Variants in IPO11 observed in about 807,000 individuals in gnomAD.
The protein encoded by IPO11 is importin-11.
In IPO11, 66 loss-of-function variants were observed where a neutral mutation model predicts 143.2. The observed-to-expected ratio is 0.46, with a 90% confidence interval of 0.38 to 0.57. The LOEUF (loss-of-function observed/expected upper bound fraction) is 0.57, where lower values mean the gene tolerates loss of function less well. Among genes scored for constraint, IPO11 ranks in the 20% least tolerant of loss-of-function variants. The pLI is 0.00. For synonymous variants in IPO11, 385 were observed against 377.8 expected (o/e 1.02, Z -0.22); for missense variants, 1,026 against 1,141.0 (o/e 0.90, Z 1.45).
Position 62,504,656 on chromosome 5 carries a change from C to G in IPO11, c.1591-11C>G, listed in dbSNP as rs764112870. On this transcript the variant is annotated splice_polypyrimidine_tract_variant and intron_variant, in intron 16 of 29. Coordinates refer to ENST00000325324, the MANE Select transcript of IPO11 (RefSeq NM_016338.5). ...AAAATAATTAAAAACTAATGATATACTTTCTTTTAGGTCCGTATTGAAACA... is the reference window on the plus strand; with the variant it reads ...AAAATAATTAAAAACTAATGATATAGTTTCTTTTAGGTCCGTATTGAAACA... 1 of 1,422,910 alleles carries G rather than the reference C, an allele frequency of 7.0e-7. No individual in the cohort carries two copies. The highest frequency in any genetic ancestry group is 1.3e-5 in the South Asian group (1 of 77,186). The allele number at this position is 1,422,910 out of a possible 1,614,324, so 88.1% of individuals were successfully genotyped here.
chr5:62,527,982 C>G (rs1382239646), intron 21 of IPO11, among the ~76,000 whole-genome samples: 1 of 152,064 alleles, frequency 6.6e-6, no homozygotes, highest in Non-Finnish European at 1.5e-5. Context: ...TAATTCCTAC[C>G]CTTACATGGT....
rs949462011 is a variant in IPO11 at position 62,628,129 on chromosome 5, A to G, written c.*811A>G. ...CTCCCAGTCCCACCTGTGCTGTGAC[A>G]GTCCCACGTGGCTATGACAGACTGT... is the stretch of plus-strand genomic sequence containing the variant. On this transcript the variant is annotated 3_prime_UTR_variant, in exon 30 of 30. Coordinates refer to ENST00000325324, the MANE Select transcript of IPO11 (RefSeq NM_016338.5). The G allele has an allele frequency of 2.0e-5, 3 of 151,960 alleles. No homozygotes were observed. The highest frequency in any genetic ancestry group is 7.3e-5 in the African/African-American group (3 of 41,356). The allele number at this position is 151,960 out of a possible 1,614,324, so 9.4% of individuals were successfully genotyped here. A position where few individuals can be genotyped will look rare whatever the true frequency, so the allele number is the denominator to read the frequency against.
intron 18 of IPO11, 133 bp from the exon 19 acceptor site, chr5:62,506,108 T>C (rs1741546603): frequency 5.8e-6 from 3 of 521,154 alleles, no homozygotes; most frequent in African/African-American, 3.8e-5. Context: ...GTTTAGGTAA[T>C]GCCAAGCTTT....
chr5:62,463,303 C>G (rs1020335826), intron 5 of IPO11, among the ~76,000 whole-genome samples: 2 of 152,056 alleles, frequency 1.3e-5, no homozygotes, highest in Non-Finnish European at 2.9e-5. Flanking sequence ...GCCTTAGCCT[C>G]CCAAAGTGCT....
At chr5:62,617,366 C>T (rs568559615) in intron 29 of IPO11, among the ~76,000 whole-genome samples, 2 of 152,260 alleles carry the variant, frequency 1.3e-5, no homozygotes, top group Admixed American at 6.5e-5. Context: ...TGTATTAATT[C>T]ACATGTTTGG....
At chr5:62,620,335 C>G (rs1321957462) in intron 29 of IPO11, among the ~76,000 whole-genome samples, 1 of 151,916 alleles carries the variant, frequency 6.6e-6, no homozygotes, top group Non-Finnish European at 1.5e-5. Context: ...CTGGCTAACA[C>G]GGTGAAACCC....
rs1743165592 is a variant in IPO11 at position 62,412,913 on chromosome 5, C to T, written c.-23C>T. ...GTGGGAGCGGGAGGGCCGGGCAATT[C>T]CCGACCGAACCAAACGGTGAGGCCC... On this transcript the variant is annotated 5_prime_UTR_variant, in exon 1 of 30. Transcript: ENST00000325324. The T allele has an allele frequency of 6.5e-6, 1 of 152,820 alleles. No individual in the cohort carries two copies. Among genetic ancestry groups the T allele is most frequent in the East Asian group, 1.9e-4 (1 of 5,184 alleles). The allele number at this position is 152,820 out of a possible 1,614,324, so 9.5% of individuals were successfully genotyped here. A position where few individuals can be genotyped will look rare whatever the true frequency, so the allele number is the denominator to read the frequency against.
rs997728326 is a variant in IPO11 at position 62,435,250 on chromosome 5, A to T, written c.-6-2024A>T. ...TATCAGAGCAGCTGTAGTAAAATAT[A>T]TATATTAGGATTAATTTTTACATAC... is the stretch of plus-strand genomic sequence containing the variant. On this transcript the variant is annotated intron_variant, in intron 1 of 29. Coordinates refer to ENST00000325324, the MANE Select transcript of IPO11 (RefSeq NM_016338.5). Among the ~76,000 whole-genome samples, 5 of 145,996 alleles carry T rather than the reference A, an allele frequency of 3.4e-5. No homozygotes were observed. In the South Asian group the frequency reaches 1.1e-3, roughly 31 times the overall value.
chr5:62,575,897 T>A (rs1744297810), intron 27 of IPO11: 1 of 152,272 alleles, frequency 6.6e-6, no homozygotes, highest in Non-Finnish European at 1.5e-5. Context: ...TCAAATTGTT[T>A]GCTAAATTTT....
intron 29 of IPO11, among the ~76,000 whole-genome samples, chr5:62,605,742 T>A (rs868194247): frequency 1.1e-5 from 1 of 91,038 alleles, no homozygotes; most frequent in African/African-American, 3.3e-5. Flanking sequence ...TATTATTATT[T>A]TATTTACTTT....
At chr5:62,466,555 T>G (rs1254544883) in intron 5 of IPO11, among the ~76,000 whole-genome samples, 1 of 152,196 alleles carries the variant, frequency 6.6e-6, no homozygotes, top group African/African-American at 2.4e-5. Flanking sequence ...CTGGAAGATG[T>G]TCTGCCTCAA....
chr5:62,489,066 A>C (rs1746513764), intron 13 of IPO11, among the ~76,000 whole-genome samples: 1 of 152,156 alleles, frequency 6.6e-6, no homozygotes, highest in African/African-American at 2.4e-5. Context: ...TATTTTCTAG[A>C]ATATTGCTTG....
intron 5 of IPO11, 104 bp from the exon 6 acceptor site, chr5:62,467,027 A>G (rs1745596388): frequency 9.7e-7 from 1 of 1,034,646 alleles, no homozygotes; most frequent in Non-Finnish European, 1.4e-6. Context: ...TCTCTCAGAA[A>G]ATGTGTGCTT....
chr5:62,577,880 T>C (rs1744378986), intron 27 of IPO11, among the ~76,000 whole-genome samples: 1 of 152,120 alleles, frequency 6.6e-6, no homozygotes, highest in African/African-American at 2.4e-5. Flanking sequence ...AGGAATATTA[T>C]CAGGCTATTA....
chr5:62,557,463 A>G (rs187624), intron 26 of IPO11, among the ~76,000 whole-genome samples: 14,857 of 152,192 alleles, frequency 0.098, 801 homozygotes, highest in East Asian at 0.14. Context: ...GATTACAGGC[A>G]TGGGCCACCA....
At chr5:62,562,818 A>C (rs564742106) in intron 27 of IPO11, among the ~76,000 whole-genome samples, 1 of 152,328 alleles carries the variant, frequency 6.6e-6, no homozygotes, top group South Asian at 2.1e-4. Flanking sequence ...ATTTTGTTGC[A>C]ATATCATAAC....
chr5:62,487,396 A>G (rs1580236793), intron 12 of IPO11, among the ~76,000 whole-genome samples: 1 of 151,278 alleles, frequency 6.6e-6, no homozygotes, highest in East Asian at 1.9e-4. Context: ...CTGTGTCTCA[A>G]AAAAAAAAGA....
intron 29 of IPO11, among the ~76,000 whole-genome samples, chr5:62,620,954 T>TCA (rs1268764803): frequency 1.3e-5 from 2 of 152,214 alleles, no homozygotes. Flanking sequence ...CTTATTGAAA[T>TCA]GCATGGCTTC....
chr5:62,481,958 A>C (rs903862008), intron 9 of IPO11, among the ~76,000 whole-genome samples: 2 of 152,280 alleles, frequency 1.3e-5, no homozygotes, highest in South Asian at 2.1e-4. Flanking sequence ...TTATTGCCTC[A>C]ATTTCAGAGC....
Sources: allele counts gnomAD v4.1 joint callset (sites outside exome capture counted in the v4.1 genomes callset), GRCh38; gene constraint gnomAD v4.1.1; transcripts MANE v1.5; gene names NCBI Gene and HGNC (gene_info 2026-07-23, HGNC 2026-07-21).